Variants in DMXL2 observed in about 807,000 individuals in gnomAD.
DMXL2 encodes dmX-like protein 2.
In DMXL2, 103 loss-of-function variants were observed where a neutral mutation model predicts 331.1. The observed-to-expected ratio is 0.31, with a 90% CI of 0.27 to 0.37. The LOEUF (loss-of-function observed/expected upper bound fraction) is 0.37. DMXL2 is among the 10% of genes least tolerant of loss of function. The probability of loss-of-function intolerance (pLI) is 1.00; values close to 1 mark genes in which losing one functional copy is unlikely to be tolerated. For synonymous variants in DMXL2, 1,281 were observed against 1,252.1 expected, an observed-to-expected ratio of 1.02 and a Z score of -0.49; for missense variants, 3,171 against 3,642.9, an observed-to-expected ratio of 0.87 and a Z score of 3.33.
Position 51,486,092 on chromosome 15 carries a change from C to A in DMXL2, c.5463G>T (p.Lys1821Asn). ...ALDTLLEQTPKEDDEHQVIIK... is the reference protein window; with the variant it reads ...ALDTLLEQTPNEDDEHQVIIK... Reference sequence around the variant, plus strand: ...TCCTACCTTGATGTTCATCATCCTCCTTTGGTGTTTGTTCCAGTAATGTGT... The same window carrying A: ...TCCTACCTTGATGTTCATCATCCTCATTTGGTGTTTGTTCCAGTAATGTGT... Residue 1821 changes from lysine (K) to asparagine (N), a missense_variant, in exon 23 of 44, where the codon AAG (lysine) becomes AAT (asparagine). Around this residue, in one of 7 missense-constraint regions of DMXL2, gnomAD observed 244 missense variants for 251.4 expected, o/e 0.97. Coordinates refer to ENST00000560891, the MANE Select transcript of DMXL2 (RefSeq NM_001378457.1). 1 of 1,608,646 alleles carries A rather than the reference C, an allele frequency of 6.2e-7. No homozygotes were observed. The highest frequency in any genetic ancestry group is 1.1e-5 in the South Asian group (1 of 90,338).
At chr15:51,599,679 G>C (rs1172903893) in intron 1 of DMXL2, among the ~76,000 whole-genome samples, 1 of 152,020 alleles carries the variant, frequency 6.6e-6, no homozygotes, top group Non-Finnish European at 1.5e-5. Context: ...CAATTATATT[G>C]ACAAGGTTCA....
At chr15:51,547,510 A>G in intron 6 of DMXL2, 102 bp from the exon 7 acceptor site, 1 of 709,766 alleles carries the variant, frequency 1.4e-6, no homozygotes, top group Non-Finnish European at 2.2e-6. Flanking sequence ...TCTAAAAACT[A>G]ATATGTGACT....
At chr15:51,620,441 A>T (rs1305618501) in intron 1 of DMXL2, among the ~76,000 whole-genome samples, 2 of 152,268 alleles carry the variant, frequency 1.3e-5, no homozygotes, top group Non-Finnish European at 2.9e-5. Context: ...TAAGAAGATC[A>T]GTATGTAACA....
chr15:51,514,956 C>T (rs1315312035), intron 14 of DMXL2, among the ~76,000 whole-genome samples: 1 of 152,074 alleles, frequency 6.6e-6, no homozygotes, highest in Non-Finnish European at 1.5e-5. Flanking sequence ...ATGTAAGACA[C>T]ACTAGACTAC....
chr15:51,536,085 C>A, intron 12 of DMXL2, 81 bp downstream of exon 12: 1 of 1,261,658 alleles, frequency 7.9e-7, no homozygotes, highest in Non-Finnish European at 1.1e-6. Context: ...ATCTTAATGA[C>A]AACAAATATA....
At chr15:51,494,796 C>A (rs1002408062) in intron 19 of DMXL2, among the ~76,000 whole-genome samples, 2 of 152,096 alleles carry the variant, frequency 1.3e-5, no homozygotes, top group Non-Finnish European at 1.5e-5. Context: ...AGCTACTACT[C>A]TAGTAAATAA....
intron 6 of DMXL2, among the ~76,000 whole-genome samples, chr15:51,550,803 T>C (rs1453784332): frequency 6.6e-6 from 1 of 152,082 alleles, no homozygotes; most frequent in East Asian, 1.9e-4. Flanking sequence ...TCACGTTGGG[T>C]AGAAAAGGCT....
chr15:51,487,561 G>A (rs2140412946), intron 22 of DMXL2, among the ~76,000 whole-genome samples: 1 of 152,242 alleles, frequency 6.6e-6, no homozygotes, highest in East Asian at 1.9e-4. Flanking sequence ...GGGTTCAAGT[G>A]ATTCTCTTGC....
intron 13 of DMXL2, among the ~76,000 whole-genome samples, chr15:51,519,163 T>A (rs2047201754): frequency 6.6e-6 from 1 of 152,072 alleles, no homozygotes; most frequent in African/African-American, 2.4e-5. Flanking sequence ...TGGTTAACAT[T>A]CTTCTTTTCT....
chr15:51,522,715 C>T (rs527376334), intron 13 of DMXL2, among the ~76,000 whole-genome samples: 2 of 152,240 alleles, frequency 1.3e-5, no homozygotes, highest in African/African-American at 4.8e-5. Context: ...CCAAGGTCAC[C>T]TCACATTCAA....
At chr15:51,480,457 T>C in intron 24 of DMXL2, 85 bp downstream of exon 24, 6 of 1,411,096 alleles carry the variant, frequency 4.3e-6, no homozygotes, top group Non-Finnish European at 5.6e-6. Context: ...TAGTAAAAAG[T>C]AGTAAAAGAG....
At position 51,622,351 on chromosome 15, in the gene DMXL2, C is replaced by G. The variant is rs2054705062; in HGVS notation, c.87+108G>C. 3 of 1,449,704 alleles carry G rather than the reference C, an allele frequency of 2.1e-6. No homozygotes were observed. In the East Asian group the frequency reaches 7.5e-5, roughly 36 times the overall value. The allele number at this position is 1,449,704 out of a possible 1,614,324, so 89.8% of individuals were successfully genotyped here. On this transcript the variant is annotated intron_variant, in intron 1 of 43. Transcript: ENST00000560891. The stretch of plus-strand genomic sequence containing the variant: ...CTGCAAAGGGGCCACGGGTGGGGCC[C>G]ACCAACATCTCACAGCCTCCTGAGG...
chr15:51,599,586 C>T, intron 1 of DMXL2, among the ~76,000 whole-genome samples: 1 of 152,304 alleles, frequency 6.6e-6, no homozygotes, highest in East Asian at 1.9e-4. Context: ...TATACATACA[C>T]ACATTATTCA....
intron 29 of DMXL2, among the ~76,000 whole-genome samples, chr15:51,469,316 A>C (rs767850505): frequency 6.6e-6 from 1 of 152,122 alleles, no homozygotes; most frequent in Non-Finnish European, 1.5e-5. Flanking sequence ...ATGAGTAGAT[A>C]ATTTTTGAAG....
chr15:51,451,765 C>A (rs2039163757), intron 41 of DMXL2, 68 bp from the exon 42 acceptor site: 1 of 1,368,158 alleles, frequency 7.3e-7, no homozygotes, highest in Non-Finnish European at 1.0e-6. Flanking sequence ...CAGGGACAAC[C>A]TGTCTTTCAG....
intron 24 of DMXL2, 106 bp downstream of exon 24, chr15:51,480,436 T>C: frequency 7.6e-7 from 1 of 1,323,388 alleles, no homozygotes; most frequent in Non-Finnish European, 1.0e-6. Flanking sequence ...GCTGAACATA[T>C]TTAGATTAAC....
At chr15:51,459,414 G>C (rs2039935222) in intron 34 of DMXL2, among the ~76,000 whole-genome samples, 184 bp downstream of exon 34, 1 of 152,084 alleles carries the variant, frequency 6.6e-6, no homozygotes, top group Admixed American at 6.6e-5. Context: ...AAGAACCAAG[G>C]GCAAGACAGA....
At chr15:51,570,815 C>G (rs1222617907) in intron 2 of DMXL2, among the ~76,000 whole-genome samples, 1 of 152,118 alleles carries the variant, frequency 6.6e-6, no homozygotes, top group Non-Finnish European at 1.5e-5. Context: ...CAACTGGTAC[C>G]AGCCACTGCA....
intron 15 of DMXL2, among the ~76,000 whole-genome samples, chr15:51,510,466 G>C (rs1452326170): frequency 6.6e-6 from 1 of 152,090 alleles, no homozygotes; most frequent in Non-Finnish European, 1.5e-5. Flanking sequence ...GCTACAATGA[G>C]AATAAAATAC....
Sources: gnomAD v4.1 joint callset for allele counts (sites outside exome capture counted in the v4.1 genomes callset) on GRCh38, gnomAD v4.1.1 for gene constraint, gnomAD v4.1.1 regional missense constraint, MANE v1.5 for transcripts, NCBI Gene and HGNC (gene_info 2026-07-23, HGNC 2026-07-21) for gene names.